Variants in DEUP1 observed in about 807,000 individuals in gnomAD.
DEUP1 encodes deuterosome assembly protein 1.
DEUP1 carries 82 observed loss-of-function variants against 87.4 expected under a neutral mutation model. That is an observed-to-expected ratio of 0.94 (90% CI 0.78 to 1.13). The LOEUF (loss-of-function observed/expected upper bound fraction) is 1.13. DEUP1 is among the 50% of genes most tolerant of loss of function. The pLI, the probability that DEUP1 is intolerant of heterozygous loss-of-function variation, is 0.00. For missense variants in DEUP1, 663 were observed against 681.5 expected (o/e 0.97, Z 0.30); for synonymous variants, 214 against 222.7 (o/e 0.96, Z 0.35).
intron 2 of DEUP1, among the ~76,000 whole-genome samples, chr11:93,354,062 A>G (rs1187021775): frequency 6.6e-6 from 1 of 152,168 alleles, no homozygotes; most frequent in African/African-American, 2.4e-5. Context: ...CTGAACTTTT[A>G]TGCTCTGTTT....
intron 11 of DEUP1, among the ~76,000 whole-genome samples, chr11:93,406,074 A>C (rs948311691): frequency 2.0e-5 from 3 of 151,924 alleles, no homozygotes; most frequent in African/African-American, 7.2e-5. Flanking sequence ...TATTTTTTAA[A>C]ATTCTGTGAA....
intron 11 of DEUP1, among the ~76,000 whole-genome samples, chr11:93,407,208 GA>G (rs34778756): frequency 1.5e-4 from 22 of 149,062 alleles, no homozygotes; most frequent in Admixed American, 2.0e-4. Flanking sequence ...TAATTATTTT[GA>G]AAAAAAAACT....
chr11:93,373,513 C>A (rs1945840764), intron 7 of DEUP1, among the ~76,000 whole-genome samples: 1 of 150,658 alleles, frequency 6.6e-6, no homozygotes, highest in African/African-American at 2.4e-5. Flanking sequence ...GTCTTTAATT[C>A]CATCCAGGTT....
chr11:93,415,134 CTT>C lies in DEUP1; in HGVS notation c.1638+28_1638+29del. 2.2e-6 allele frequency: 3 copies of C among 1,386,000 alleles called. No homozygotes were observed. The highest frequency in any genetic ancestry group is 3.1e-6 in the Non-Finnish European group (3 of 980,724). 85.9% of individuals were successfully genotyped at this position (1,386,000 alleles called of 1,614,324 possible). ...CCACTGGTGAGTTGCTGGTTGTGGGCTTTTTTTTTCTTTAATGGGTTATTGCT... is the reference window on the plus strand; with the variant it reads ...CCACTGGTGAGTTGCTGGTTGTGGGCTTTTTTTCTTTAATGGGTTATTGCT... On this transcript the variant is annotated intron_variant, in intron 13 of 13. Coordinates refer to ENST00000298050, the MANE Select transcript of DEUP1 (RefSeq NM_181645.4).
intron 7 of DEUP1, among the ~76,000 whole-genome samples, chr11:93,378,565 T>C (rs1392179573): frequency 6.6e-6 from 1 of 152,194 alleles, no homozygotes; most frequent in Non-Finnish European, 1.5e-5. Flanking sequence ...TTCTGAATTA[T>C]TTTTCTGGCA....
chr11:93,419,854 TAATAA>T (rs200181053), intron 13 of DEUP1, among the ~76,000 whole-genome samples: 1,585 of 145,776 alleles, frequency 0.011, 29 homozygotes, highest in African/African-American at 0.036. Flanking sequence ...TTCAAAAAAA[TAATAA>T]AATAAAATAA....
At chr11:93,404,970 C>T (rs1214242880) in intron 11 of DEUP1, among the ~76,000 whole-genome samples, 2 of 151,882 alleles carry the variant, frequency 1.3e-5, no homozygotes, top group African/African-American at 4.8e-5. Context: ...AGTTCATGCT[C>T]ACAACACTTA....
At chr11:93,370,220 G>A (rs377723310) in intron 6 of DEUP1, 34 bp downstream of exon 6, 1 of 1,115,126 alleles carries the variant, frequency 9.0e-7, no homozygotes, top group Non-Finnish European at 1.3e-6. Flanking sequence ...TAAATCAAAA[G>A]CAGAAGTTAA....
intron 13 of DEUP1, among the ~76,000 whole-genome samples, chr11:93,431,875 C>T (rs1340270907): frequency 6.6e-6 from 1 of 152,010 alleles, no homozygotes; most frequent in Non-Finnish European, 1.5e-5. Context: ...TACCACTTTC[C>T]GACATGGGAA....
Position 93,342,449 on chromosome 11 carries a change from T to C in DEUP1, c.29+10161T>C, listed in dbSNP as rs117421427. Among the ~76,000 whole-genome samples, 8 of 152,356 alleles carry C rather than the reference T, an allele frequency of 5.3e-5. No homozygotes were observed. The East Asian group carries it at 1.5e-3, about 29-fold the overall frequency. On this transcript the variant is annotated intron_variant, in intron 2 of 13. Coordinates refer to ENST00000298050, the MANE Select transcript of DEUP1 (RefSeq NM_181645.4). ...GGACTCTAGCTGCAAGAGAAGGCAC[T>C]GAGGCAAAGGAATGCAAGTTTTGTC...
intron 11 of DEUP1, among the ~76,000 whole-genome samples, chr11:93,396,799 C>A (rs1946959862): frequency 1.3e-5 from 2 of 152,110 alleles, no homozygotes; most frequent in South Asian, 4.1e-4. Context: ...TCACCAGTAC[C>A]TCACATCTCA....
Position 93,415,373 on chromosome 11 carries a change from T to TA in DEUP1, c.1638+267dup, listed in dbSNP as rs981167536. Among the ~76,000 whole-genome samples, 9 of 152,058 alleles carry TA rather than the reference T, an allele frequency of 5.9e-5. No homozygotes were observed. The South Asian group carries it at 6.2e-4, about 11-fold the overall frequency. ...CAGAATTACTGGAGATGGTGTTTTT[T>TA]AAAAAAAATGCGAGTGCTTGGGACT... is the stretch of plus-strand genomic sequence containing the variant. On this transcript the variant is annotated intron_variant, in intron 13 of 13. Coordinates refer to ENST00000298050, the MANE Select transcript of DEUP1 (RefSeq NM_181645.4).
intron 7 of DEUP1, among the ~76,000 whole-genome samples, chr11:93,383,172 A>G (rs780488741): frequency 2.0e-5 from 3 of 152,244 alleles, no homozygotes; most frequent in Non-Finnish European, 4.4e-5. Flanking sequence ...ATTAATTTTC[A>G]TAACAGCATT....
chr11:93,377,379 C>CT (rs544207327), intron 7 of DEUP1, among the ~76,000 whole-genome samples: 2 of 151,788 alleles, frequency 1.3e-5, no homozygotes, highest in South Asian at 4.1e-4. Context: ...CCCTTTTTGC[C>CT]TTTTTTAACT....
Position 93,408,214 on chromosome 11 carries a change from T to C in DEUP1, c.1327-17T>C. 6.7e-7 allele frequency: 1 copy of C among 1,497,890 alleles called. No individual in the cohort carries two copies. The highest frequency in any genetic ancestry group is 1.8e-4 in the Middle Eastern group (1 of 5,700). 92.8% of individuals were successfully genotyped at this position (1,497,890 alleles called of 1,614,324 possible). A position where few individuals can be genotyped will look rare whatever the true frequency, so the allele number is the denominator to read the frequency against. On this transcript the variant is annotated splice_polypyrimidine_tract_variant and intron_variant, in intron 11 of 13. Coordinates refer to ENST00000298050, the MANE Select transcript of DEUP1 (RefSeq NM_181645.4). ...TAAGGGGCAGTTTATTCAATGATAGTTTATTTTATTCTCTAGAGTATGGAC... is the reference window on the plus strand; with the variant it reads ...TAAGGGGCAGTTTATTCAATGATAGCTTATTTTATTCTCTAGAGTATGGAC...
upstream of DEUP1, chr11:93,330,619 C>T (rs1943420477): frequency 1.3e-5 from 2 of 152,656 alleles, no homozygotes; most frequent in Admixed American, 1.3e-4. Flanking sequence ...AGAGGCCCAA[C>T]TGCCTCGTTG....
rs780964725 is a variant in DEUP1, at chr11:93,364,227, G to A, written c.365G>A (p.Arg122Gln). 43 of 1,609,208 alleles carry A rather than the reference G, an allele frequency of 2.7e-5. No homozygotes were observed. Among genetic ancestry groups the A allele is most frequent in the Middle Eastern group, 3.3e-4 (2 of 6,044 alleles). Reference protein sequence around the residue: ...LHQMKQNKVPRKELPHLKEEI... With the variant: ...LHQMKQNKVPQKELPHLKEEI... ...CAGATGAAACAAAACAAAGTTCCACGAAAAGAATTACCACACCTTAAAGAA... is the reference window on the plus strand; with the variant it reads ...CAGATGAAACAAAACAAAGTTCCACAAAAAGAATTACCACACCTTAAAGAA... Residue 122 changes from arginine (R) to glutamine (Q), a missense_variant, in exon 5 of 14, where the codon CGA becomes CAA. Transcript: ENST00000298050.
In DEUP1 at chr11:93,370,009, T is replaced by G. The variant is rs902846473; in HGVS notation, c.433-64T>G. ...TGAAGATGTACAAATGAAAGAAGCCTTATTTGCTGTACTTTAAAATGAATA... is the reference window on the plus strand; with the variant it reads ...TGAAGATGTACAAATGAAAGAAGCCGTATTTGCTGTACTTTAAAATGAATA... On this transcript the variant is annotated intron_variant, in intron 5 of 13. Transcript: ENST00000298050. The G allele has an allele frequency of 1.4e-5, 11 of 778,184 alleles. No individual in the cohort carries two copies. In the African/African-American group the frequency reaches 2.0e-4, roughly 14 times the overall value. The allele number at this position is 778,184 out of a possible 1,614,324, so 48.2% of individuals were successfully genotyped here.
At chr11:93,345,451 T>A (rs1944299752) in intron 2 of DEUP1, among the ~76,000 whole-genome samples, 1 of 152,192 alleles carries the variant, frequency 6.6e-6, no homozygotes, top group Non-Finnish European at 1.5e-5. Context: ...TGAACAATGA[T>A]CAAACTAATT....
Sources: allele counts gnomAD v4.1 joint callset (sites outside exome capture counted in the v4.1 genomes callset), GRCh38; gene constraint gnomAD v4.1.1; transcripts MANE v1.5; gene names NCBI Gene and HGNC (gene_info 2026-07-23, HGNC 2026-07-21).